The following ANKRD23 variants were observed in gnomAD, a reference collection of about 807,000 sequenced individuals.
The protein encoded by ANKRD23 is ankyrin repeat domain 23.
In ANKRD23, 52 loss-of-function variants were observed where a neutral mutation model predicts 38.1. That is an observed-to-expected ratio of 1.36 (90% CI 1.09 to 1.72). The LOEUF is 1.72. Among genes scored for constraint, ANKRD23 ranks in the 40% most tolerant of loss-of-function variants. The probability of loss-of-function intolerance (pLI) is 0.00; values close to 1 mark genes in which losing one functional copy is unlikely to be tolerated. For synonymous variants in ANKRD23, 167 were observed against 162.9 expected (o/e 1.03, Z -0.19); for missense variants, 416 against 400.2 (o/e 1.04, Z -0.34).
chr2:96,842,219 G>A, intron 2 of ANKRD23, 34 bp from the exon 3 acceptor site: 1 of 1,613,248 alleles, frequency 6.2e-7, no homozygotes, highest in Non-Finnish European at 8.5e-7. Context: ...CCAGCCATCA[G>A]CCGCTGGTCA....
chr2:96,839,596 G>GGATGCCGCGCT lies in ANKRD23; in HGVS notation c.860_870dup (p.Arg291SerfsTer69), dbSNP rs774867231. 3.4e-6 allele frequency: 5 copies of GGATGCCGCGCT among 1,485,954 alleles called. No individual in the cohort carries two copies. Among genetic ancestry groups the GGATGCCGCGCT allele is most frequent in the Non-Finnish European group, 3.6e-6 (4 of 1,119,354 alleles). 92.0% of individuals were successfully genotyped at this position (1,485,954 alleles called of 1,614,324 possible). On this transcript the variant is annotated frameshift_variant, in exon 9 of 9. Transcript: ENST00000318357. LOFTEE classifies it high-confidence loss of function. Reference sequence around the variant, plus strand: ...GCCACGTGGGCCTGCAGGGCCTCCCGGATGCCGCGCTGCCAGTCTCGAGCC... The same window carrying GGATGCCGCGCT: ...GCCACGTGGGCCTGCAGGGCCTCCCGGATGCCGCGCTGATGCCGCGCTGCCAGTCTCGAGCC...
In ANKRD23 at chr2:96,840,232, C is replaced by T. The variant is rs2079744418; in HGVS notation, c.624G>A (p.Lys208=). The T allele has an allele frequency of 6.2e-7, 1 of 1,609,660 alleles. No individual in the cohort carries two copies. The highest frequency in any genetic ancestry group is 1.1e-5 in the South Asian group (1 of 90,238). ...GCCCCCAAAGCACCGTGCCCCTCACCTTGTCCCGGGCATTGACCCGGGCTC... is the reference window on the plus strand; with the variant it reads ...GCCCCCAAAGCACCGTGCCCCTCACTTTGTCCCGGGCATTGACCCGGGCTC... The part of the protein sequence containing the change: ...NQGARVNARD[K]IGSTPLHVAV... The change falls in exon 6 of 9, where the codon AAG becomes AAA. Residue 208 remains lysine, a splice_region_variant and synonymous_variant. Coordinates refer to ENST00000318357, the MANE Select transcript of ANKRD23 (RefSeq NM_144994.8).
At chr2:96,839,972 G>C (rs746382605) in intron 7 of ANKRD23, 25 bp downstream of exon 7, 14 of 1,551,686 alleles carry the variant, frequency 9.0e-6, no homozygotes, top group Non-Finnish European at 1.2e-5. Flanking sequence ...TGTCCGAGCC[G>C]GAAAAGACCA....
At position 96,838,532 on chromosome 2, in the gene ANKRD23, C is replaced by A; in HGVS notation, c.*1017G>T. On this transcript the variant is annotated 3_prime_UTR_variant, in exon 9 of 9. Coordinates refer to ENST00000318357, the MANE Select transcript of ANKRD23 (RefSeq NM_144994.8). ...GCTTCCCTGTGGGCTGGGTTCAGAG[C>A]TCCTCAGTGTCCTGGCCTCCCAGGT... is the stretch of plus-strand genomic sequence containing the variant. 2.0e-6 allele frequency: 2 copies of A among 985,902 alleles called. No individual in the cohort carries two copies. The highest frequency in any genetic ancestry group is 9.4e-5 in the South Asian group (2 of 21,290). The allele number at this position is 985,902 out of a possible 1,614,324, so 61.1% of individuals were successfully genotyped here. A position where few individuals can be genotyped will look rare whatever the true frequency, so the allele number is the denominator to read the frequency against.
rs2079714565 is a variant in ANKRD23 at position 96,838,178 on chromosome 2, C to T, written c.*1371G>A. ...CAGCCTTGTTCTGGGCCTGAGAAGG[C>T]CCCCAAAGGTAGACGAAAAGGAACC... On this transcript the variant is annotated 3_prime_UTR_variant, in exon 9 of 9. Transcript: ENST00000318357. 2 of 228,736 alleles carry T rather than the reference C, an allele frequency of 8.7e-6. No homozygotes were observed. The highest frequency in any genetic ancestry group is 1.5e-5 in the Non-Finnish European group (2 of 137,586). 14.2% of individuals were successfully genotyped at this position (228,736 alleles called of 1,614,324 possible).
Position 96,840,399 on chromosome 2 carries a change from C to G in ANKRD23, c.525+17G>C. On this transcript the variant is annotated intron_variant, in intron 5 of 8. Coordinates refer to ENST00000318357, the MANE Select transcript of ANKRD23 (RefSeq NM_144994.8). The stretch of plus-strand genomic sequence containing the variant: ...AGCTGGGCGTCGACCAGAGGCTGGG[C>G]CTTTCCCCATCCTCACCAAGTCTCG... 6.2e-7 allele frequency: 1 copy of G among 1,613,470 alleles called. No homozygotes were observed. Among genetic ancestry groups the G allele is most frequent in the Non-Finnish European group, 8.5e-7 (1 of 1,179,766 alleles).
rs961820422 is a variant in ANKRD23, at chr2:96,840,903, G to A, written c.310C>T (p.Gln104Ter). Residue 104 changes from glutamine to a stop codon, truncating the protein, a stop_gained, in exon 4 of 9, where the codon CAG (glutamine) becomes TAG (stop). Transcript: ENST00000318357. LOFTEE classifies it high-confidence loss of function. ...KPEPLVKPQSQAQVEPVGLEM... is the reference protein window; with the variant it reads ...KPEPLVKPQS ...AGGCCCACAGGCTCCACCTGGGCCT[G>A]GGACTGCGGCTGGTTCAGTTGAAGA... The A allele has an allele frequency of 1.9e-6, 3 of 1,614,026 alleles. No homozygotes were observed. The highest frequency in any genetic ancestry group is 2.5e-6 in the Non-Finnish European group (3 of 1,179,988).
intron 3 of ANKRD23, 74 bp downstream of exon 3, chr2:96,841,986 A>C (rs1460723315): frequency 1.2e-6 from 2 of 1,601,216 alleles, no homozygotes; most frequent in South Asian, 1.1e-5. Context: ...TGCAGTGCCC[A>C]CTCTGCCCCA....
Position 96,839,627 on chromosome 2 carries a change from C to T in ANKRD23, c.840G>A (p.Val280=). ...CGCGCTGCCAGTCTCGAGCCAGCTG[C>T]ACCGGGGTCACGGAGGCCTGGGAGC... ...GVRNAASVTP[V]QLARDWQRGI... is the part of the protein sequence containing the mutation. The change falls in exon 9 of 9, where the codon GTG becomes GTA. Residue 280 remains valine, a synonymous_variant. Coordinates refer to ENST00000318357, the MANE Select transcript of ANKRD23 (RefSeq NM_144994.8). 6.6e-7 allele frequency: 1 copy of T among 1,509,558 alleles called. No individual in the cohort carries two copies. The highest frequency in any genetic ancestry group is 8.9e-7 in the Non-Finnish European group (1 of 1,127,660). 93.5% of individuals were successfully genotyped at this position (1,509,558 alleles called of 1,614,324 possible). A position where few individuals can be genotyped will look rare whatever the true frequency, so the allele number is the denominator to read the frequency against.
intron 2 of ANKRD23, 22 bp downstream of exon 2, chr2:96,842,343 C>A: frequency 1.3e-6 from 2 of 1,563,672 alleles, no homozygotes; most frequent in South Asian, 2.2e-5. Flanking sequence ...GCCCCCAACC[C>A]CGGCCCCCGC....
At chr2:96,842,018 G>A (rs1281624524) in intron 3 of ANKRD23, 42 bp downstream of exon 3, 2 of 1,612,386 alleles carry the variant, frequency 1.2e-6, no homozygotes, top group East Asian at 4.5e-5. Flanking sequence ...TGGAACTGGA[G>A]CCCTGGTGTG....
Position 96,839,312 on chromosome 2 carries a change from C to G in ANKRD23, c.*237G>C. On this transcript the variant is annotated 3_prime_UTR_variant, in exon 9 of 9. Coordinates refer to ENST00000318357, the MANE Select transcript of ANKRD23 (RefSeq NM_144994.8). ...GCGCTTTCTGCTGCCTTGTGGTCCT[C>G]TGCTCCAGCCCTGGGAGGGAACGCG... The G allele has an allele frequency of 1.6e-6, 2 of 1,239,238 alleles. No homozygotes were observed. Among genetic ancestry groups the G allele is most frequent in the Non-Finnish European group, 2.0e-6 (2 of 992,806 alleles). The allele number at this position is 1,239,238 out of a possible 1,614,324, so 76.8% of individuals were successfully genotyped here.
Position 96,840,276 on chromosome 2 carries a change from T to C in ANKRD23, c.580A>G (p.Lys194Glu). ...CGGGCTCCCTGGTTAAGCAGCTGTT[T>C]GAGGATGACCAGATGTCCTCCGCGG... is the stretch of plus-strand genomic sequence containing the variant. ...ACRGGHLVIL[K>E]QLLNQGARVN... Residue 194 changes from lysine to glutamate, a missense_variant, in exon 6 of 9, where the codon AAA becomes GAA. Coordinates refer to ENST00000318357, the MANE Select transcript of ANKRD23 (RefSeq NM_144994.8). 6.2e-7 allele frequency: 1 copy of C among 1,611,486 alleles called. No individual in the cohort carries two copies. The highest frequency in any genetic ancestry group is 1.1e-5 in the South Asian group (1 of 90,472).
At position 96,839,480 on chromosome 2, in the gene ANKRD23, A is replaced by G; in HGVS notation, c.*69T>C. The G allele has an allele frequency of 5.0e-6, 7 of 1,395,142 alleles. No individual in the cohort carries two copies. Among genetic ancestry groups the G allele is most frequent in the Non-Finnish European group, 6.5e-6 (7 of 1,080,406 alleles). The allele number at this position is 1,395,142 out of a possible 1,614,324, so 86.4% of individuals were successfully genotyped here. A position where few individuals can be genotyped will look rare whatever the true frequency, so the allele number is the denominator to read the frequency against. On this transcript the variant is annotated 3_prime_UTR_variant, in exon 9 of 9. Coordinates refer to ENST00000318357, the MANE Select transcript of ANKRD23 (RefSeq NM_144994.8). ...CTGAGGGCAGGAACCACAGAGGTGC[A>G]GACGCGGGGGCGGGGCACAGGATGG... is the stretch of plus-strand genomic sequence containing the variant.
rs746600607 is a variant in ANKRD23 at position 96,840,843 on chromosome 2, C to T, written c.370G>A (p.Glu124Lys). ...GTCAAGTACTTGTCAATCAGGTACT[C>T]CTGGTTCTCAGCAGCTGCCTTCAGG... ...MFLKAAAENQ[E>K]YLIDKYLTDG... The change falls in exon 4 of 9, where the codon GAG becomes AAG. Residue 124 changes from glutamate (E) to lysine (K), a missense_variant. Glu to Lys is a moderately conservative substitution (Grantham distance 56). Transcript: ENST00000318357. 8 of 1,614,222 alleles carry T rather than the reference C, an allele frequency of 5.0e-6. No homozygotes were observed. The highest frequency in any genetic ancestry group is 1.1e-5 in the South Asian group (1 of 91,092).
chr2:96,841,083 G>C (rs1236653304), intron 3 of ANKRD23, 171 bp from the exon 4 acceptor site: 2 of 718,090 alleles, frequency 2.8e-6, no homozygotes, highest in Admixed American at 3.1e-5. Context: ...TGAATAGACT[G>C]TGTGTGTGTG....
chr2:96,840,122 G>C, intron 6 of ANKRD23, 27 bp from the exon 7 acceptor site: 1 of 1,549,390 alleles, frequency 6.5e-7, no homozygotes, highest in Non-Finnish European at 8.7e-7. Context: ...GTCAGTGCTG[G>C]GTCTGGATTG....
chr2:96,838,618 A>AGGAACATAAG lies in ANKRD23; in HGVS notation c.*921_*930dup. The AGGAACATAAG allele has an allele frequency of 1.0e-6, 1 of 985,668 alleles. No homozygotes were observed. Among genetic ancestry groups the AGGAACATAAG allele is most frequent in the Non-Finnish European group, 1.2e-6 (1 of 830,126 alleles). The allele number at this position is 985,668 out of a possible 1,614,324, so 61.1% of individuals were successfully genotyped here. On this transcript the variant is annotated 3_prime_UTR_variant, in exon 9 of 9. Transcript: ENST00000318357. ...AGGCAAGAGCTCAAGCTCCAGTACC[A>AGGAACATAAG]GGAACATAAGGGGACATAAGGGCCT...
In ANKRD23 at chr2:96,840,494, G is replaced by C; in HGVS notation, c.447C>G (p.His149Gln). Reference sequence around the variant, plus strand: ...GGCTGTGACCCTTCAGACAGGCCCAGTGCAAGGCGGTGCGGTGGAGCTGAG... The same window carrying C: ...GGCTGTGACCCTTCAGACAGGCCCACTGCAAGGCGGTGCGGTGGAGCTGAG... ...AHDKLHRTAL[H>Q]WACLKGHSQL... The change falls in exon 5 of 9, where the codon CAC becomes CAG. Residue 149 changes from histidine to glutamine, a missense_variant. His to Gln is a conservative substitution (Grantham distance 24). Coordinates refer to ENST00000318357, the MANE Select transcript of ANKRD23 (RefSeq NM_144994.8). 2 of 1,613,934 alleles carry C rather than the reference G, an allele frequency of 1.2e-6. No homozygotes were observed. Among genetic ancestry groups the C allele is most frequent in the South Asian group, 1.1e-5 (1 of 91,076 alleles).
Sources: allele counts gnomAD v4.1 joint callset, GRCh38; gene constraint gnomAD v4.1.1; transcripts MANE v1.5; gene names NCBI Gene and HGNC (gene_info 2026-07-23, HGNC 2026-07-21).